The following RGL1 variants were observed in gnomAD, a reference collection of about 807,000 sequenced individuals.
RGL1 encodes the protein ral guanine nucleotide dissociation stimulator like 1.
In RGL1, 24 loss-of-function variants were observed where a neutral mutation model predicts 95.2. The observed-to-expected ratio is 0.25, with a 90% CI of 0.18 to 0.35. The LOEUF (loss-of-function observed/expected upper bound fraction) is 0.35. Ranked by LOEUF, RGL1 falls within the 10% of genes least tolerant of loss-of-function variation. The probability of loss-of-function intolerance (pLI) is 1.00; values close to 1 mark genes in which losing one functional copy is unlikely to be tolerated. For missense variants in RGL1, 715 were observed against 936.3 expected, an observed-to-expected ratio of 0.76 and a Z score of 3.08; for synonymous variants, 329 against 344.9, an observed-to-expected ratio of 0.95 and a Z score of 0.51.
At chr1:183,904,764 A>G (rs10797920) in intron 12 of RGL1, 86 bp from the exon 13 acceptor site, 394,711 of 1,360,022 alleles carry the variant, frequency 0.29, 59,416 homozygotes, top group East Asian at 0.47. Context: ...CTAATGTGGT[A>G]TATTTTCATG....
intron 1 of RGL1, among the ~76,000 whole-genome samples, chr1:183,643,689 G>A (rs934795431): frequency 1.3e-5 from 2 of 152,026 alleles, no homozygotes. Context: ...GGGCTAAAAC[G>A]ATACTCCCAC....
At chr1:183,755,632 T>C (rs1161915490) in intron 2 of RGL1, among the ~76,000 whole-genome samples, 1 of 152,188 alleles carries the variant, frequency 6.6e-6, no homozygotes, top group South Asian at 2.1e-4. Flanking sequence ...CTCATTCAAC[T>C]ATACATTTAA....
At chr1:183,829,899 C>T (rs1663144610) in intron 2 of RGL1, among the ~76,000 whole-genome samples, 1 of 152,112 alleles carries the variant, frequency 6.6e-6, no homozygotes, top group Admixed American at 6.5e-5. Context: ...ACCTGATCCT[C>T]TCATGTTTTT....
intron 2 of RGL1, among the ~76,000 whole-genome samples, chr1:183,838,024 A>C (rs1407852471): frequency 6.6e-6 from 1 of 152,174 alleles, no homozygotes; most frequent in Admixed American, 6.5e-5. Flanking sequence ...ATAGACTGCT[A>C]CTGGTCCATG....
At chr1:183,892,888 T>C (rs1667501818) in intron 9 of RGL1, among the ~76,000 whole-genome samples, 1 of 152,226 alleles carries the variant, frequency 6.6e-6, no homozygotes, top group East Asian at 1.9e-4. Flanking sequence ...TCATAGTCTT[T>C]CTATAAAGTA....
chr1:183,866,997 A>T (rs1421971400), intron 4 of RGL1, among the ~76,000 whole-genome samples: 1 of 152,182 alleles, frequency 6.6e-6, no homozygotes, highest in Non-Finnish European at 1.5e-5. Context: ...GATGCTTCCC[A>T]GGGTTGCGGT....
intron 3 of RGL1, among the ~76,000 whole-genome samples, chr1:183,848,990 T>A (rs1664632274): frequency 6.6e-6 from 1 of 152,332 alleles, no homozygotes; most frequent in African/African-American, 2.4e-5. Flanking sequence ...ATATATATGA[T>A]ATGTTTATAT....
intron 17 of RGL1, among the ~76,000 whole-genome samples, chr1:183,922,540 C>A (rs1249007934): frequency 6.6e-6 from 1 of 152,212 alleles, no homozygotes; most frequent in Non-Finnish European, 1.5e-5. Flanking sequence ...TCCGATTCCC[C>A]AGCTCTTGTT....
chr1:183,662,687 T>G (rs1252216787), intron 1 of RGL1, among the ~76,000 whole-genome samples: 1 of 152,182 alleles, frequency 6.6e-6, no homozygotes, highest in Non-Finnish European at 1.5e-5. Flanking sequence ...CCAATGACCT[T>G]CTTCACAGAA....
At chr1:183,785,265 CTA>C in intron 2 of RGL1, among the ~76,000 whole-genome samples, 1 of 152,342 alleles carries the variant, frequency 6.6e-6, no homozygotes, top group East Asian at 1.9e-4. Flanking sequence ...GTGTATCAAA[CTA>C]TTTTCGGTCC....
At chr1:183,756,717 C>G (rs2491428) in intron 2 of RGL1, among the ~76,000 whole-genome samples, 42,588 of 152,074 alleles carry the variant, frequency 0.28, 6,675 homozygotes, top group Middle Eastern at 0.37. Flanking sequence ...TCCTCTCCAA[C>G]TAGACTGTCT....
chr1:183,793,197 G>A (rs1428900426), intron 2 of RGL1, among the ~76,000 whole-genome samples: 2 of 152,050 alleles, frequency 1.3e-5, no homozygotes, highest in African/African-American at 2.4e-5. Context: ...GAAAGGATAC[G>A]CTCTTCAGTA....
intron 1 of RGL1, among the ~76,000 whole-genome samples, chr1:183,714,076 A>T (rs1178251582): frequency 6.6e-6 from 1 of 152,136 alleles, no homozygotes; most frequent in Non-Finnish European, 1.5e-5. Context: ...CACCGCAGTG[A>T]TTTTCTGTGA....
chr1:183,803,193 C>T (rs1471960809), upstream of RGL1, among the ~76,000 whole-genome samples: 1 of 152,160 alleles, frequency 6.6e-6, no homozygotes, highest in Non-Finnish European at 1.5e-5. Flanking sequence ...GAGAAGACAT[C>T]ATTTCAGATT....
chr1:183,918,499 AT>A (rs1281325998), intron 16 of RGL1, among the ~76,000 whole-genome samples: 1 of 152,332 alleles, frequency 6.6e-6, no homozygotes, highest in East Asian at 1.9e-4. Flanking sequence ...TATAGCATGG[AT>A]TTGTACACCA....
intron 1 of RGL1, among the ~76,000 whole-genome samples, chr1:183,658,127 C>T (rs1224962454): frequency 3.3e-5 from 5 of 152,202 alleles, no homozygotes; most frequent in African/African-American, 9.7e-5. Context: ...CCAGCGTGAG[C>T]GACGCAGAAG....
intron 1 of RGL1, among the ~76,000 whole-genome samples, chr1:183,683,192 G>T (rs1653343599): frequency 6.6e-6 from 1 of 152,182 alleles, no homozygotes; most frequent in South Asian, 2.1e-4. Flanking sequence ...ATTGTTATGT[G>T]TGAATTTGAT....
chr1:183,727,151 T>C (rs1013352593), intron 1 of RGL1, among the ~76,000 whole-genome samples: 2 of 152,106 alleles, frequency 1.3e-5, no homozygotes, highest in African/African-American at 4.8e-5. Context: ...ATAAAAAACG[T>C]AATACATGAT....
At chr1:183,862,288 G>T (rs1040356529) in intron 3 of RGL1, among the ~76,000 whole-genome samples, 3 of 152,204 alleles carry the variant, frequency 2.0e-5, no homozygotes, top group African/African-American at 7.2e-5. Flanking sequence ...CTCAAACCTA[G>T]AAGGACAAGG....
Sources: gnomAD v4.1 joint callset for allele counts (sites outside exome capture counted in the v4.1 genomes callset) on GRCh38, gnomAD v4.1.1 for gene constraint, MANE v1.5 for transcripts, NCBI Gene and HGNC (gene_info 2026-07-23, HGNC 2026-07-21) for gene names.